MCCC1: variants seen among roughly 807,000 people sequenced by gnomAD.
MCCC1 encodes the protein methylcrotonyl-CoA carboxylase subunit 1, also known as methylcrotonoyl-CoA carboxylase subunit alpha, mitochondrial.
MCCC1 carries 64 observed loss-of-function variants against 83.8 expected under a neutral mutation model. The observed-to-expected ratio is 0.76, with a 90% CI of 0.62 to 0.94. The LOEUF (loss-of-function observed/expected upper bound fraction) is 0.94. Ranked by LOEUF, MCCC1 falls within the 40% of genes least tolerant of loss-of-function variation. The probability of loss-of-function intolerance (pLI) is 0.00; values close to 1 mark genes in which losing one functional copy is unlikely to be tolerated. For synonymous variants in MCCC1, 322 were observed against 315.4 expected, an observed-to-expected ratio of 1.02 and a Z score of -0.22; for missense variants, 807 against 904.7, an observed-to-expected ratio of 0.89 and a Z score of 1.39.
intron 7 of MCCC1, among the ~76,000 whole-genome samples, chr3:183,066,091 T>A (rs967738801): frequency 2.2e-4 from 33 of 152,190 alleles, no homozygotes; most frequent in Non-Finnish European, 4.0e-4. Context: ...AATATGTTGT[T>A]AGTATGTGTT....
rs11411314 is a variant in MCCC1 at position 183,036,537 on chromosome 3, C to CTT, written c.1594+679_1594+680dup. ...GTTTGACTGAAAAGAGATCCATTTC[C>CTT]TTTTTTTTTTTTTTTTTTTTTAGAT... is the stretch of plus-strand genomic sequence containing the variant. On this transcript the variant is annotated intron_variant, in intron 13 of 18. Coordinates refer to ENST00000265594, the MANE Select transcript of MCCC1 (RefSeq NM_020166.5). Among the ~76,000 whole-genome samples, 459 of 117,642 alleles carry CTT rather than the reference C, an allele frequency of 3.9e-3. 5 individuals carry two copies. The highest frequency in any genetic ancestry group is 4.8e-3 in the Middle Eastern group (1 of 208). 77.2% of individuals were successfully genotyped at this position (117,642 alleles called of 152,430 possible). A position where few individuals can be genotyped will look rare whatever the true frequency, so the allele number is the denominator to read the frequency against.
In MCCC1 at chr3:183,071,069, C is replaced by A; in HGVS notation, c.691G>T (p.Ala231Ser). 8 of 1,614,204 alleles carry A rather than the reference C, an allele frequency of 5.0e-6. No homozygotes were observed. Among genetic ancestry groups the A allele is most frequent in the Non-Finnish European group, 6.8e-6 (8 of 1,180,030 alleles). ...EQEFQEQLES[A>S]RREAKKSFND... ...AAAGACTTCTTAGCTTCTCTCCGTG[C>A]TGACTCTAACTGTTCTTGAAATTCT... is the stretch of plus-strand genomic sequence containing the variant. Residue 231 changes from alanine to serine, a missense_variant, in exon 7 of 19, where the codon GCA (alanine) becomes TCA (serine). By Grantham distance (99) the Ala-to-Ser change is moderately conservative (BLOSUM62 1). Transcript: ENST00000265594.
At chr3:183,096,546 T>C (rs1336243570) in intron 1 of MCCC1, among the ~76,000 whole-genome samples, 1 of 152,168 alleles carries the variant, frequency 6.6e-6, no homozygotes, top group East Asian at 1.9e-4. Flanking sequence ...ATATTATGTA[T>C]ATGACTATGT....
At chr3:183,102,112 A>C (rs553049742), upstream of MCCC1, among the ~76,000 whole-genome samples, 52 of 151,912 alleles carry the variant, frequency 3.4e-4, no homozygotes, top group African/African-American at 1.2e-3. Flanking sequence ...ACACGCCATC[A>C]CTTTGGGAGG....
intron 1 of MCCC1, among the ~76,000 whole-genome samples, chr3:183,111,771 A>G (rs914941260): frequency 6.6e-6 from 1 of 152,222 alleles, no homozygotes; most frequent in African/African-American, 2.4e-5. Context: ...TCCCAGCAAC[A>G]CAGTGATCAG....
At chr3:183,015,606 CTAA>C in intron 18 of MCCC1, 40 bp from the exon 19 acceptor site, 2 of 1,613,020 alleles carry the variant, frequency 1.2e-6, no homozygotes, top group South Asian at 1.1e-5. Context: ...AGCTGCAATA[CTAA>C]TGAGGACTGA....
At chr3:183,032,767 G>A (rs138812083) in intron 14 of MCCC1, among the ~76,000 whole-genome samples, 3,877 of 151,980 alleles carry the variant, frequency 0.026, 169 homozygotes, top group African/African-American at 0.089. Context: ...TCAGATACTC[G>A]GGAGGCTGAG....
chr3:183,015,662 T>C, intron 18 of MCCC1, 96 bp from the exon 19 acceptor site: 1 of 1,455,034 alleles, frequency 6.9e-7, no homozygotes. Flanking sequence ...ATGAAAACTG[T>C]AGCCAACTTT....
intron 10 of MCCC1, among the ~76,000 whole-genome samples, chr3:183,044,434 A>C (rs902710696): frequency 6.6e-6 from 1 of 152,262 alleles, no homozygotes; most frequent in African/African-American, 2.4e-5. Context: ...ATGTCATAGC[A>C]ATGCCAAAAT....
At chr3:183,054,243 T>C (rs1378587217) in intron 8 of MCCC1, among the ~76,000 whole-genome samples, 1 of 149,612 alleles carries the variant, frequency 6.7e-6, no homozygotes, top group Non-Finnish European at 1.5e-5. Flanking sequence ...TGGAGTGCAG[T>C]GGCGCGATCT....
At chr3:183,015,911 G>GTTTTTTTTTTTTTTTTT (rs549666072) in intron 18 of MCCC1, among the ~76,000 whole-genome samples, 2 of 135,524 alleles carry the variant, frequency 1.5e-5, no homozygotes, top group Middle Eastern at 4.1e-3. Flanking sequence ...GCTTGCTTTT[G>GTTTTTTTTTTTTTTTTT]TTTTTTTTTT....
chr3:183,021,459 A>G (rs932156478), intron 16 of MCCC1, among the ~76,000 whole-genome samples: 1 of 152,210 alleles, frequency 6.6e-6, no homozygotes. Context: ...GTCTCAAGCA[A>G]TCTGCCTGCC....
chr3:183,050,723 AAAAG>A (rs1268589088), intron 9 of MCCC1, among the ~76,000 whole-genome samples: 3 of 151,462 alleles, frequency 2.0e-5, no homozygotes, highest in Admixed American at 1.3e-4. Flanking sequence ...AAAAAAAAAA[AAAAG>A]AAAGGGAAAG....
intron 1 of MCCC1, among the ~76,000 whole-genome samples, chr3:183,108,914 A>G (rs949838916): frequency 2.0e-5 from 3 of 152,154 alleles, no homozygotes; most frequent in Admixed American, 2.0e-4. Context: ...AAGGACTTTG[A>G]TATGCTGGGT....
chr3:183,078,974 G>A (rs1318247138), intron 4 of MCCC1, among the ~76,000 whole-genome samples: 1 of 152,172 alleles, frequency 6.6e-6, no homozygotes, highest in East Asian at 1.9e-4. Context: ...GCTCTCATGA[G>A]ACTCATTCAT....
rs772339513 is a variant in MCCC1 at position 183,070,990 on chromosome 3, C to T, written c.761+9G>A. The T allele has an allele frequency of 1.2e-6, 2 of 1,612,830 alleles. No individual in the cohort carries two copies. Among genetic ancestry groups the T allele is most frequent in the Non-Finnish European group, 8.5e-7 (1 of 1,179,346 alleles). The stretch of plus-strand genomic sequence containing the variant: ...TAAACTCTGAGTCAGAAAAATAAGG[C>T]CAACCCACCTCGGTGTGTCTACAAA... On this transcript the variant is annotated intron_variant, in intron 7 of 18. Transcript: ENST00000265594.
chr3:183,052,083 T>G (rs1715021015), intron 9 of MCCC1, 76 bp downstream of exon 9: 1 of 1,367,914 alleles, frequency 7.3e-7, no homozygotes, highest in African/African-American at 1.4e-5. Context: ...GATTTAAAAG[T>G]TGTGTTTCTC....
At chr3:183,104,067 C>G (rs368621594), upstream of MCCC1, among the ~76,000 whole-genome samples, 7 of 152,182 alleles carry the variant, frequency 4.6e-5, no homozygotes, top group East Asian at 9.7e-4. Context: ...CCTACGCCCA[C>G]CCGGAACTCC....
At chr3:183,065,739 A>C (rs1346105815) in intron 7 of MCCC1, among the ~76,000 whole-genome samples, 1 of 152,220 alleles carries the variant, frequency 6.6e-6, no homozygotes, top group Non-Finnish European at 1.5e-5. Context: ...TAATCTTGTA[A>C]AAGAAATTCT....
Sources: gnomAD v4.1 joint callset for allele counts (sites outside exome capture counted in the v4.1 genomes callset) on GRCh38, gnomAD v4.1.1 for gene constraint, MANE v1.5 for transcripts, NCBI Gene and HGNC (gene_info 2026-07-23, HGNC 2026-07-21) for gene names.